The following NCKAP5 variants were observed in gnomAD, a reference collection of about 807,000 sequenced individuals.
The protein encoded by NCKAP5 is NCK associated protein 5.
Under a neutral mutation model 167.0 loss-of-function variants are expected in NCKAP5, and 92 were observed. The observed-to-expected ratio is 0.55, with a 90% CI of 0.47 to 0.66. The LOEUF is 0.66. Among genes scored for constraint, NCKAP5 ranks in the 30% least tolerant of loss-of-function variants. NCKAP5 has a pLI of 0.00. For missense variants in NCKAP5, 2,378 were observed against 2,315.0 expected, an observed-to-expected ratio of 1.03 and a Z score of -0.56; for synonymous variants, 891 against 877.4, an observed-to-expected ratio of 1.02 and a Z score of -0.27.
the NCKAP5 span, among the ~76,000 whole-genome samples, chr2:133,629,485 T>C: frequency 6.6e-6 from 1 of 152,062 alleles, no homozygotes; most frequent in African/African-American, 2.4e-5. Context: ...AAACAACAGA[T>C]GCTGTGAAGC....
intron 3 of NCKAP5, among the ~76,000 whole-genome samples, chr2:133,406,268 A>G (rs1268126599): frequency 6.6e-6 from 1 of 152,218 alleles, no homozygotes; most frequent in Non-Finnish European, 1.5e-5. Flanking sequence ...AACTAAGTTG[A>G]TTTGTACTAA....
At chr2:132,986,772 A>G (rs1308242029) in intron 7 of NCKAP5, among the ~76,000 whole-genome samples, 2 of 152,182 alleles carry the variant, frequency 1.3e-5, no homozygotes, top group Non-Finnish European at 2.9e-5. Context: ...CTTAAAGTAT[A>G]CTTAAATCAT....
intron 8 of NCKAP5, among the ~76,000 whole-genome samples, chr2:132,935,521 C>T (rs940165997): frequency 6.6e-6 from 1 of 151,836 alleles, no homozygotes; most frequent in Admixed American, 6.6e-5. Flanking sequence ...CTTTCTGGGA[C>T]AGGAAATTAT....
At chr2:133,316,477 T>C (rs1574681628) in intron 3 of NCKAP5, among the ~76,000 whole-genome samples, 1 of 152,348 alleles carries the variant, frequency 6.6e-6, no homozygotes, top group Non-Finnish European at 1.5e-5. Flanking sequence ...TATTTATCTT[T>C]AAGAGACTTC....
intron 4 of NCKAP5, among the ~76,000 whole-genome samples, chr2:133,214,928 T>A (rs2086362885): frequency 6.6e-6 from 1 of 152,218 alleles, no homozygotes; most frequent in South Asian, 2.1e-4. Context: ...CTCTCCTAAG[T>A]GCTTGGATCT....
In NCKAP5 at chr2:133,083,255, C is replaced by T. The variant is rs1025697; in HGVS notation, c.341+46723G>A. Among the ~76,000 whole-genome samples, 18 of 152,100 alleles carry T rather than the reference C, an allele frequency of 1.2e-4. No individual in the cohort carries two copies. In the South Asian group the frequency reaches 3.7e-3, roughly 32 times the overall value. On this transcript the variant is annotated intron_variant, in intron 6 of 19. Transcript: ENST00000409261. ...AAAAATCACACCAAGCCAAAAGTAC[C>T]TTAGGTATTCCCAGAGTCAAAGCAT...
At chr2:133,516,956 G>T (rs767177940) in intron 3 of NCKAP5, among the ~76,000 whole-genome samples, 4 of 152,108 alleles carry the variant, frequency 2.6e-5, no homozygotes, top group Admixed American at 6.5e-5. Flanking sequence ...AACCCAACCA[G>T]GTTGTTAAGA....
intron 4 of NCKAP5, among the ~76,000 whole-genome samples, chr2:133,241,658 G>A (rs1365478139): frequency 6.6e-6 from 1 of 151,960 alleles, no homozygotes; most frequent in Non-Finnish European, 1.5e-5. Context: ...CATCTACTCT[G>A]CCACATAACT....
At chr2:133,140,678 T>A (rs1023063909) in intron 5 of NCKAP5, among the ~76,000 whole-genome samples, 3 of 151,670 alleles carry the variant, frequency 2.0e-5, no homozygotes, top group African/African-American at 7.3e-5. Context: ...TTATACAGAA[T>A]ATATAATGCC....
intron 3 of NCKAP5, among the ~76,000 whole-genome samples, chr2:133,473,055 C>T (rs576258358): frequency 1.3e-4 from 20 of 152,180 alleles, no homozygotes; most frequent in African/African-American, 3.4e-4. Flanking sequence ...TAGTTAGGGC[C>T]GGGCGCGATG....
chr2:132,675,717 T>TC (rs1573800636), intron 19 of NCKAP5, among the ~76,000 whole-genome samples: 1 of 152,152 alleles, frequency 6.6e-6, no homozygotes, highest in East Asian at 1.9e-4. Flanking sequence ...TAATTGCCAT[T>TC]AAAACACTCA....
intron 2 of NCKAP5, among the ~76,000 whole-genome samples, chr2:133,537,113 G>C (rs1208237039): frequency 6.6e-6 from 1 of 152,008 alleles, no homozygotes; most frequent in African/African-American, 2.4e-5. Context: ...GACTATAAGT[G>C]AGAGAATTCA....
At chr2:132,800,240 T>C (rs911573937) in intron 11 of NCKAP5, among the ~76,000 whole-genome samples, 1 of 152,190 alleles carries the variant, frequency 6.6e-6, no homozygotes. Context: ...AAATTCTCTA[T>C]CATATACCCA....
rs1683096099 is a variant in NCKAP5, at chr2:132,782,231, A to G, written c.4580T>C (p.Ile1527Thr). ...TTTCTTTTCTACTTTGGTTTTGGAG[A>G]TGTCCATTTTCCTGCTACTCAGAGC... ...LPALSSRKMD[I>T]SKTKVEKKDA... The change falls in exon 14 of 20, where the codon ATC (isoleucine) becomes ACC (threonine). Residue 1527 changes from isoleucine to threonine, a missense_variant. This residue lies in a region of NCKAP5 where 1,325 missense variants were observed against 1,274.5 expected (regional missense o/e 1.04). Transcript: ENST00000409261. 6.2e-7 allele frequency: 1 copy of G among 1,613,270 alleles called. No homozygotes were observed. Among genetic ancestry groups the G allele is most frequent in the Non-Finnish European group, 8.5e-7 (1 of 1,179,782 alleles).
chr2:132,840,482 G>A (rs1688225214), intron 11 of NCKAP5, among the ~76,000 whole-genome samples: 1 of 151,928 alleles, frequency 6.6e-6, no homozygotes, highest in African/African-American at 2.4e-5. Flanking sequence ...TCGTCATGTT[G>A]GTCAGACTGG....
chr2:133,426,540 A>G (rs999933029), intron 3 of NCKAP5, among the ~76,000 whole-genome samples: 7 of 152,114 alleles, frequency 4.6e-5, no homozygotes, highest in African/African-American at 1.7e-4. Context: ...CTATAAGAAA[A>G]CTGCAGGCTA....
intron 16 of NCKAP5, among the ~76,000 whole-genome samples, chr2:132,767,285 T>C (rs1209590920): frequency 6.6e-6 from 1 of 152,176 alleles, no homozygotes; most frequent in Non-Finnish European, 1.5e-5. Flanking sequence ...TTGCTCTTGT[T>C]GCCCAGGCTG....
the NCKAP5 span, among the ~76,000 whole-genome samples, chr2:133,661,769 T>C: frequency 2.6e-5 from 4 of 152,198 alleles, no homozygotes; most frequent in Non-Finnish European, 4.4e-5. Flanking sequence ...CTGACCATGC[T>C]TTACCACAGT....
chr2:133,156,049 G>A (rs2083566142), intron 5 of NCKAP5, among the ~76,000 whole-genome samples: 1 of 152,166 alleles, frequency 6.6e-6, no homozygotes, highest in Non-Finnish European at 1.5e-5. Context: ...CTGCTACAAA[G>A]TCCCCAGTTT....
Sources: allele counts gnomAD v4.1 joint callset (sites outside exome capture counted in the v4.1 genomes callset), GRCh38; gene constraint gnomAD v4.1.1; regional missense constraint gnomAD v4.1.1; transcripts MANE v1.5; gene names NCBI Gene and HGNC (gene_info 2026-07-23, HGNC 2026-07-21).